The following TMEM132B variants were observed in gnomAD, a reference collection of about 807,000 sequenced individuals.
TMEM132B encodes the protein transmembrane protein 132B.
In TMEM132B, 18 loss-of-function variants were observed where a neutral mutation model predicts 90.8. The observed-to-expected ratio is 0.20, with a 90% CI of 0.14 to 0.29. TMEM132B has a LOEUF of 0.29. Ranked by LOEUF, TMEM132B falls within the 10% of genes least tolerant of loss-of-function variation. The pLI, the probability that TMEM132B is intolerant of heterozygous loss-of-function variation, is 1.00. For missense variants in TMEM132B, 1,096 were observed against 1,326.8 expected (o/e 0.83, Z 2.70); for synonymous variants, 504 against 523.3 (o/e 0.96, Z 0.50).
At chr12:125,291,240 C>T (rs1447320897) in intron 1 of TMEM132B, among the ~76,000 whole-genome samples, 3 of 152,172 alleles carry the variant, frequency 2.0e-5, no homozygotes, top group South Asian at 2.1e-4. Flanking sequence ...CACCAGAACC[C>T]GGCCAAGCTG....
intron 2 of TMEM132B, among the ~76,000 whole-genome samples, chr12:125,397,271 C>G (rs1183972768): frequency 6.6e-6 from 1 of 152,204 alleles, no homozygotes; most frequent in Non-Finnish European, 1.5e-5. Context: ...GCCAACTTCA[C>G]TGTTCTATGT....
At chr12:125,405,219 T>C (rs1879432040) in intron 2 of TMEM132B, among the ~76,000 whole-genome samples, 1 of 152,222 alleles carries the variant, frequency 6.6e-6, no homozygotes, top group African/African-American at 2.4e-5. Flanking sequence ...CCCTACCTTC[T>C]GGTTGTTGCT....
At chr12:125,535,431 T>C (rs1883770321) in intron 4 of TMEM132B, among the ~76,000 whole-genome samples, 1 of 152,192 alleles carries the variant, frequency 6.6e-6, no homozygotes, top group Non-Finnish European at 1.5e-5. Flanking sequence ...TGCCAGTCAT[T>C]CCTCCCATAC....
intron 3 of TMEM132B, among the ~76,000 whole-genome samples, chr12:125,472,041 T>C (rs914494692): frequency 3.3e-5 from 5 of 152,274 alleles, no homozygotes; most frequent in African/African-American, 1.2e-4. Context: ...TAAGCACTCA[T>C]TGACTTAAGG....
intron 3 of TMEM132B, among the ~76,000 whole-genome samples, chr12:125,486,728 C>A (rs1882215255): frequency 6.6e-6 from 1 of 152,188 alleles, no homozygotes; most frequent in Non-Finnish European, 1.5e-5. Context: ...ACTGTAAAAT[C>A]CTATTTCCCA....
intron 1 of TMEM132B, among the ~76,000 whole-genome samples, chr12:125,282,776 T>A (rs1475176164): frequency 1.3e-5 from 2 of 152,206 alleles, no homozygotes; most frequent in Non-Finnish European, 2.9e-5. Flanking sequence ...ACAGAGTCAC[T>A]GGGAGCACGC....
chr12:125,482,667 C>T (rs1882080175), intron 3 of TMEM132B, among the ~76,000 whole-genome samples: 1 of 152,148 alleles, frequency 6.6e-6, no homozygotes, highest in Non-Finnish European at 1.5e-5. Flanking sequence ...CTAGTTCAAC[C>T]ATTGTGGAAG....
intron 4 of TMEM132B, among the ~76,000 whole-genome samples, chr12:125,572,398 C>T (rs1275238643): frequency 1.3e-5 from 2 of 152,208 alleles, no homozygotes; most frequent in African/African-American, 4.8e-5. Context: ...TTGCCCTCTG[C>T]CTTCTGCAAT....
chr12:125,436,050 C>G (rs142182536), intron 3 of TMEM132B, among the ~76,000 whole-genome samples: 4 of 152,030 alleles, frequency 2.6e-5, no homozygotes, highest in Non-Finnish European at 5.9e-5. Context: ...CCTTCTGTTC[C>G]GAGGCAAAGC....
chr12:125,570,879 G>A (rs1884774605), intron 4 of TMEM132B, among the ~76,000 whole-genome samples: 1 of 152,206 alleles, frequency 6.6e-6, no homozygotes, highest in Non-Finnish European at 1.5e-5. Context: ...AAAGAGTGTA[G>A]GTGGCCAGGC....
intron 4 of TMEM132B, among the ~76,000 whole-genome samples, chr12:125,570,496 T>A (rs546649484): frequency 2.6e-5 from 4 of 152,238 alleles, no homozygotes; most frequent in Non-Finnish European, 5.9e-5. Flanking sequence ...GAGACACAGG[T>A]CGGTCCTTAA....
chr12:125,262,393 A>G (rs938137902), intron 1 of TMEM132B, among the ~76,000 whole-genome samples: 5 of 152,278 alleles, frequency 3.3e-5, no homozygotes, highest in African/African-American at 1.2e-4. Flanking sequence ...AGGGGCCAAC[A>G]TAAAAAAAAA....
At position 125,505,238 on chromosome 12, in the gene TMEM132B, T is replaced by A. The variant is rs1229112886; in HGVS notation, c.1107-14201T>A. Among the ~76,000 whole-genome samples the A allele has an allele frequency of 2.8e-5, 4 of 140,906 alleles. No individual in the cohort carries two copies. The East Asian group carries it at 8.4e-4, about 29-fold the overall frequency. The allele number at this position is 140,906 out of a possible 152,430, so 92.4% of individuals were successfully genotyped here. The stretch of plus-strand genomic sequence containing the variant: ...TGCAAAGGTGACCCAGATAATGGAA[T>A]TATCAGGCTAGGATTATAAGGTAGT... On this transcript the variant is annotated intron_variant, in intron 3 of 8. Transcript: ENST00000682704.
chr12:125,409,457 GA>G (rs775648093), intron 2 of TMEM132B, among the ~76,000 whole-genome samples: 1 of 152,190 alleles, frequency 6.6e-6, no homozygotes, highest in Non-Finnish European at 1.5e-5. Flanking sequence ...GGAGCTGATT[GA>G]GGGGGGGCAA....
rs1875027072 is a variant in TMEM132B at position 125,277,506 on chromosome 12, CACACACACACACACACACACACAT to C, written c.68-71933_68-71910del. ...AAAAAAAAGATGAAGAGGGAGAACA[CACACACACACACACACACACACAT>C]ACACACACACACGGGAAGGCCATGT... is the stretch of plus-strand genomic sequence containing the variant. On this transcript the variant is annotated intron_variant, in intron 1 of 8. Coordinates refer to ENST00000682704, the MANE Select transcript of TMEM132B (RefSeq NM_001366854.1). This position sits in a 1 kb window ranked among gnomAD's most constrained non-coding sequence, Gnocchi z 4.3. Among the ~76,000 whole-genome samples, 1 of 149,952 alleles carries C rather than the reference CACACACACACACACACACACACAT, an allele frequency of 6.7e-6. No homozygotes were observed. Among genetic ancestry groups the C allele is most frequent in the Non-Finnish European group, 1.5e-5 (1 of 67,452 alleles).
In TMEM132B at chr12:125,286,958, C is replaced by T. The variant is rs182079470; in HGVS notation, c.68-62494C>T. Among the ~76,000 whole-genome samples the T allele has an allele frequency of 1.3e-3, 200 of 152,128 alleles. 1 individual carries two copies. The highest frequency in any genetic ancestry group is 5.1e-3 in the Admixed American group (78 of 15,278). On this transcript the variant is annotated intron_variant, in intron 1 of 8. Coordinates refer to ENST00000682704, the MANE Select transcript of TMEM132B (RefSeq NM_001366854.1). ...CCTCAGGTGATCCACCCTCCTCGGCCTCCCTAAGTGCTGGGATTACAGGCG... is the reference window on the plus strand; with the variant it reads ...CCTCAGGTGATCCACCCTCCTCGGCTTCCCTAAGTGCTGGGATTACAGGCG...
intron 2 of TMEM132B, among the ~76,000 whole-genome samples, chr12:125,352,882 A>C (rs1232240510): frequency 1.3e-5 from 2 of 152,202 alleles, no homozygotes; most frequent in Admixed American, 6.5e-5. Context: ...GAAGAAGCCA[A>C]GATTCTATTT....
At chr12:125,325,708 T>G (rs1402707198) in intron 1 of TMEM132B, among the ~76,000 whole-genome samples, 1 of 150,746 alleles carries the variant, frequency 6.6e-6, no homozygotes, top group Non-Finnish European at 1.5e-5. Context: ...TGTGTGTGTG[T>G]GTGTGTGTGT....
chr12:125,370,368 AAGG>A (rs1232691470), intron 2 of TMEM132B, among the ~76,000 whole-genome samples: 1 of 152,228 alleles, frequency 6.6e-6, no homozygotes, highest in South Asian at 2.1e-4. Context: ...AGAAGGGAGA[AAGG>A]AGAGAGAGGA....
Sources: gnomAD v4.1 joint callset for allele counts (sites outside exome capture counted in the v4.1 genomes callset) on GRCh38, gnomAD v4.1.1 for gene constraint, Gnocchi (gnomAD v3.1) non-coding constraint, MANE v1.5 for transcripts, NCBI Gene and HGNC (gene_info 2026-07-23, HGNC 2026-07-21) for gene names.